DCHS2: variants seen among roughly 807,000 people sequenced by gnomAD.
DCHS2 encodes the protein dachsous cadherin-related 2.
Under a neutral mutation model 182.4 loss-of-function variants are expected in DCHS2, and 142 were observed. The ratio of observed to expected loss-of-function variants is 0.78; its 90% CI spans 0.68 to 0.89. DCHS2 has a LOEUF of 0.89. Among genes scored for constraint, DCHS2 ranks in the 40% least tolerant of loss-of-function variants. The pLI, the probability that DCHS2 is intolerant of heterozygous loss-of-function variation, is 0.00. For missense variants in DCHS2, 4,319 were observed against 4,198.6 expected, an observed-to-expected ratio of 1.03 and a Z score of -0.79; for synonymous variants, 1,740 against 1,663.3, an observed-to-expected ratio of 1.05 and a Z score of -1.12.
chr4:154,434,691 T>G (rs74458236), intron 1 of DCHS2, among the ~76,000 whole-genome samples: 2 of 152,116 alleles, frequency 1.3e-5, no homozygotes, highest in East Asian at 3.9e-4. Flanking sequence ...AATTGTAAGG[T>G]TAAAAAGTGA....
chr4:154,459,765 TCTCTCTCTCTC>T (rs1209793015), intron 1 of DCHS2, among the ~76,000 whole-genome samples: 1 of 151,548 alleles, frequency 6.6e-6, no homozygotes, highest in Non-Finnish European at 1.5e-5. Context: ...TCTCTCTCTC[TCTCTCTCTCTC>T]TCTCTCTATG....
At chr4:154,289,496 T>C (rs915273665) in intron 13 of DCHS2, among the ~76,000 whole-genome samples, 3 of 151,970 alleles carry the variant, frequency 2.0e-5, no homozygotes, top group African/African-American at 7.2e-5. Flanking sequence ...ACTGCTGAAT[T>C]TTACCAAACA....
intron 1 of DCHS2, among the ~76,000 whole-genome samples, chr4:154,466,687 C>A (rs1173283503): frequency 6.6e-6 from 1 of 152,150 alleles, no homozygotes; most frequent in Non-Finnish European, 1.5e-5. Flanking sequence ...AAAAGCTGAA[C>A]TATTTTTTGC....
At chr4:154,489,182 C>A in intron 1 of DCHS2, 122 bp downstream of exon 1, 1 of 857,938 alleles carries the variant, frequency 1.2e-6, no homozygotes, top group South Asian at 2.2e-5. Flanking sequence ...GGGGCACTAC[C>A]GCCAGTCTTG....
intron 12 of DCHS2, among the ~76,000 whole-genome samples, chr4:154,301,726 C>T (rs1456167629): frequency 2.0e-5 from 3 of 152,090 alleles, no homozygotes; most frequent in African/African-American, 4.8e-5. Context: ...CTCAAATTAA[C>T]TCCAGACCTC....
chr4:154,490,319 C>T lies in DCHS2; in HGVS notation c.1037G>A (p.Gly346Asp). The T allele has an allele frequency of 4.5e-6, 7 of 1,544,828 alleles. No homozygotes were observed. Among genetic ancestry groups the T allele is most frequent in the Non-Finnish European group, 6.1e-6 (7 of 1,146,374 alleles). The change falls in exon 1 of 20, where the codon GGC (glycine) becomes GAC (aspartate). Residue 346 changes from glycine (G) to aspartate (D), a missense_variant. Coordinates refer to ENST00000357232, the MANE Select transcript of DCHS2 (RefSeq NM_001358235.2). ...RARQVPGAGS[G>D]GGALGDAAYF... Reference sequence around the variant, plus strand: ...GGCCGCGTCGCCCAGTGCCCCGCCGCCGCTACCCGCCCCAGGCACTTGCCG... The same window carrying T: ...GGCCGCGTCGCCCAGTGCCCCGCCGTCGCTACCCGCCCCAGGCACTTGCCG...
At chr4:154,326,407 T>C (rs1026465812) in intron 7 of DCHS2, among the ~76,000 whole-genome samples, 5 of 152,208 alleles carry the variant, frequency 3.3e-5, no homozygotes, top group Non-Finnish European at 5.9e-5. Flanking sequence ...AGTCACATTG[T>C]AAACAATGGC....
intron 9 of DCHS2, 96 bp from the exon 10 acceptor site, chr4:154,316,083 A>G: frequency 6.6e-7 from 1 of 1,521,036 alleles, no homozygotes; most frequent in African/African-American, 1.4e-5. Context: ...CCTAATAAAA[A>G]TTCAGAAGTC....
chr4:154,358,899 T>C (rs1729991028), intron 3 of DCHS2, among the ~76,000 whole-genome samples: 1 of 151,754 alleles, frequency 6.6e-6, no homozygotes, highest in African/African-American at 2.4e-5. Flanking sequence ...TTGTTTACTA[T>C]ATATAAATAT....
In DCHS2 at chr4:154,233,463, CTT is replaced by C. The variant is rs1164035267; in HGVS notation, c.*1071_*1072del. 1.3e-5 allele frequency: 2 copies of C among 152,134 alleles called. No individual in the cohort carries two copies. The highest frequency in any genetic ancestry group is 4.8e-5 in the African/African-American group (2 of 41,436). 9.4% of individuals were successfully genotyped at this position (152,134 alleles called of 1,614,324 possible). A position where few individuals can be genotyped will look rare whatever the true frequency, so the allele number is the denominator to read the frequency against. On this transcript the variant is annotated 3_prime_UTR_variant, in exon 20 of 20. Coordinates refer to ENST00000357232, the MANE Select transcript of DCHS2 (RefSeq NM_001358235.2). ...GGTAAAAAGACTTCTGACTTCTATT[CTT>C]AACTTTTATAGTAGAAACATTTCCA...
rs1731681770 is a variant in DCHS2 at position 154,239,187 on chromosome 4, G to A, written c.7475C>T (p.Ser2492Phe). The change falls in exon 19 of 20, where the codon TCC becomes TTC. Residue 2492 changes from serine to phenylalanine, a missense_variant. Coordinates refer to ENST00000357232, the MANE Select transcript of DCHS2 (RefSeq NM_001358235.2). Reference sequence around the variant, plus strand: ...TAACTCACCATTCTTAGGATCAATGGAGAATTCCTTAGAAGAGGATAGAAT... The same window carrying A: ...TAACTCACCATTCTTAGGATCAATGAAGAATTCCTTAGAAGAGGATAGAAT... The part of the protein sequence containing the change: ...YRILSSSKEF[S>F]IDPKNGTIFT... The A allele has an allele frequency of 6.2e-7, 1 of 1,612,476 alleles. No individual in the cohort carries two copies. Among genetic ancestry groups the A allele is most frequent in the South Asian group, 1.1e-5 (1 of 90,880 alleles).
At chr4:154,457,936 T>C (rs1234268532) in intron 1 of DCHS2, among the ~76,000 whole-genome samples, 2 of 152,236 alleles carry the variant, frequency 1.3e-5, no homozygotes, top group East Asian at 3.8e-4. Context: ...ACTCTACTAT[T>C]GTAATTACAT....
chr4:154,341,887 AG>A (rs1729126397), intron 3 of DCHS2, among the ~76,000 whole-genome samples: 1 of 152,140 alleles, frequency 6.6e-6, no homozygotes, highest in South Asian at 2.1e-4. Context: ...AATTATTTCC[AG>A]AAGCCCAAAA....
intron 1 of DCHS2, among the ~76,000 whole-genome samples, chr4:154,480,452 C>T (rs375845225): frequency 1.3e-5 from 2 of 152,262 alleles, no homozygotes; most frequent in South Asian, 2.1e-4. Context: ...TCAAAAATTG[C>T]CAAGTTCTGT....
At chr4:154,316,561 T>C (rs1256594890) in intron 9 of DCHS2, among the ~76,000 whole-genome samples, 1 of 152,130 alleles carries the variant, frequency 6.6e-6, no homozygotes, top group African/African-American at 2.4e-5. Context: ...GGCAGGAGGA[T>C]CACTTGAGGT....
chr4:154,433,167 A>G (rs1733625892), intron 1 of DCHS2, among the ~76,000 whole-genome samples: 1 of 152,168 alleles, frequency 6.6e-6, no homozygotes, highest in Non-Finnish European at 1.5e-5. Context: ...CTTCAGTTAC[A>G]GAACCAGAGA....
chr4:154,234,909 G>A lies in DCHS2; in HGVS notation c.9743C>T (p.Ala3248Val), dbSNP rs762990386. 1.9e-6 allele frequency: 3 copies of A among 1,613,986 alleles called. No individual in the cohort carries two copies. The highest frequency in any genetic ancestry group is 2.2e-5 in the East Asian group (1 of 44,850). Residue 3248 changes from alanine to valine, a missense_variant, in exon 20 of 20, where the codon GCC becomes GTC. Ala to Val is a moderately conservative substitution (Grantham distance 64). Transcript: ENST00000357232. ...LSWEPKFQPL[A>V]SVFNDIAKLK... Reference sequence around the variant, plus strand: ...TTTTGCAATATCATTAAATACTGAGGCAAGAGGTTGGAATTTGGGCTCCCA... The same window carrying A: ...TTTTGCAATATCATTAAATACTGAGACAAGAGGTTGGAATTTGGGCTCCCA...
chr4:154,441,858 G>A (rs1298412448), intron 1 of DCHS2, among the ~76,000 whole-genome samples: 1 of 152,028 alleles, frequency 6.6e-6, no homozygotes, highest in Non-Finnish European at 1.5e-5. Flanking sequence ...AAGGTTTGAG[G>A]AGGGAAAAAG....
At position 154,320,970 on chromosome 4, in the gene DCHS2, A is replaced by G; in HGVS notation, c.4429T>C (p.Phe1477Leu). The change falls in exon 9 of 20, where the codon TTC becomes CTC. Residue 1477 changes from phenylalanine to leucine, a missense_variant. Physicochemically the swap from Phe to Leu is conservative, Grantham distance 22 (BLOSUM62 0). Coordinates refer to ENST00000357232, the MANE Select transcript of DCHS2 (RefSeq NM_001358235.2). ...LDYETTSHYL[F>L]RVITTDHSKN... ...CTATGGTCTGTAGTAATCACTCTGA[A>G]AAGATAATGAGATGTCGTCTCATAA... is the stretch of plus-strand genomic sequence containing the variant. 1 of 1,614,092 alleles carries G rather than the reference A, an allele frequency of 6.2e-7. No individual in the cohort carries two copies. Among genetic ancestry groups the G allele is most frequent in the Non-Finnish European group, 8.5e-7 (1 of 1,179,992 alleles).
Sources: allele counts gnomAD v4.1 joint callset (sites outside exome capture counted in the v4.1 genomes callset), GRCh38; gene constraint gnomAD v4.1.1; transcripts MANE v1.5; gene names NCBI Gene and HGNC (gene_info 2026-07-23, HGNC 2026-07-21).